Variants in NAT10 observed in about 807,000 individuals in gnomAD.
The protein encoded by NAT10 is RNA cytidine acetyltransferase.
A neutral mutation model predicts 132.2 loss-of-function variants in NAT10; 109 were observed. That is an observed-to-expected ratio of 0.82 (90% confidence interval 0.71 to 0.97). The LOEUF is 0.97. Among genes scored for constraint, NAT10 ranks in the 50% least tolerant of loss-of-function variants. NAT10 has a pLI of 0.00. For missense variants in NAT10, 1,184 were observed against 1,263.4 expected (o/e 0.94, Z 0.95); for synonymous variants, 479 against 478.0 (o/e 1.00, Z -0.03).
chr11:34,129,615 T>C (rs1852068039), intron 12 of NAT10, among the ~76,000 whole-genome samples: 1 of 135,434 alleles, frequency 7.4e-6, no homozygotes, highest in South Asian at 2.4e-4. Flanking sequence ...TTTTTTTTTT[T>C]TTTTTTTTTT....
rs376313210 is a variant in NAT10 at position 34,135,156 on chromosome 11, C to T, written c.1912-19C>T. 4 of 1,601,010 alleles carry T rather than the reference C, an allele frequency of 2.5e-6. No individual in the cohort carries two copies. Among genetic ancestry groups the T allele is most frequent in the African/African-American group, 2.7e-5 (2 of 74,666 alleles). On this transcript the variant is annotated intron_variant, in intron 18 of 28. Transcript: ENST00000257829. The stretch of plus-strand genomic sequence containing the variant: ...CAGCTCTCTTCCCTCGGCCTCTTCC[C>T]CTTCACGTTTGCTCCTAGATGGGCT...
chr11:34,118,086 T>A, intron 6 of NAT10, 94 bp from the exon 7 acceptor site: 1 of 1,016,468 alleles, frequency 9.8e-7, no homozygotes, highest in Non-Finnish European at 1.5e-6. Context: ...TTAGAGACAC[T>A]TGGGGCCAGT....
chr11:34,121,858 CAAAAA>C (rs34304264), intron 8 of NAT10, among the ~76,000 whole-genome samples: 3 of 36,830 alleles, frequency 8.1e-5, no homozygotes, highest in African/African-American at 1.1e-4. Flanking sequence ...GACTCTGTCT[CAAAAA>C]AAAAAAAAAA....
chr11:34,129,756 GTA>G (rs1565114310), intron 12 of NAT10, among the ~76,000 whole-genome samples: 2 of 151,612 alleles, frequency 1.3e-5, no homozygotes, highest in Non-Finnish European at 2.9e-5. Flanking sequence ...TTACAGGTGT[GTA>G]CCACCATGCC....
At chr11:34,121,262 G>T (rs1851887391) in intron 8 of NAT10, among the ~76,000 whole-genome samples, 1 of 152,196 alleles carries the variant, frequency 6.6e-6, no homozygotes, top group Admixed American at 6.5e-5. Flanking sequence ...CAGGAAGACT[G>T]ATCAGGAGGC....
At chr11:34,131,006 C>T (rs1262057923) in intron 13 of NAT10, 69 bp downstream of exon 13, 1 of 1,582,504 alleles carries the variant, frequency 6.3e-7, no homozygotes, top group Non-Finnish European at 8.6e-7. Flanking sequence ...ATCCTCGCTT[C>T]CCCTGTGACA....
At chr11:34,112,358 G>A in intron 4 of NAT10, 135 bp downstream of exon 4, 1 of 1,058,990 alleles carries the variant, frequency 9.4e-7, no homozygotes, top group South Asian at 1.6e-5. Flanking sequence ...CATTATTAGT[G>A]GAAGTCCTGG....
Position 34,141,996 on chromosome 11 carries a change from C to G in NAT10, c.2811+179C>G, listed in dbSNP as rs113915146. 34 of 635,306 alleles carry G rather than the reference C, an allele frequency of 5.4e-5. 1 individual carries two copies. Among genetic ancestry groups the G allele is most frequent in the Middle Eastern group, 4.2e-4 (1 of 2,396 alleles). 39.4% of individuals were successfully genotyped at this position (635,306 alleles called of 1,614,324 possible). On this transcript the variant is annotated intron_variant, in intron 26 of 28. Transcript: ENST00000257829. ...CAGCATTGTCTGAGCACACACAGGC[C>G]TAGAGTTGTGCCTCCCACTGATTGT...
chr11:34,121,494 C>T (rs990489279), intron 8 of NAT10, among the ~76,000 whole-genome samples: 6 of 151,886 alleles, frequency 4.0e-5, no homozygotes, highest in Admixed American at 2.6e-4. Flanking sequence ...CAACTTTAGG[C>T]GTTCAGTTTA....
At position 34,113,700 on chromosome 11, in the gene NAT10, C is replaced by T. The variant is rs185281502; in HGVS notation, c.373-16C>T. ...TATTTGCATGACCAGCCCTTTCTAA[C>T]GCCCCCTTCTTCCAGGATTTTGAAG... On this transcript the variant is annotated splice_polypyrimidine_tract_variant and intron_variant, in intron 4 of 28. Transcript: ENST00000257829. 5.3e-5 allele frequency: 84 copies of T among 1,596,030 alleles called. 1 individual carries two copies. Among genetic ancestry groups the T allele is most frequent in the South Asian group, 1.9e-4 (17 of 89,714 alleles).
chr11:34,133,290 C>T (rs1852139673), intron 16 of NAT10, 148 bp downstream of exon 16: 10 of 648,134 alleles, frequency 1.5e-5, no homozygotes, highest in South Asian at 1.1e-4. Flanking sequence ...AGACAGGTGA[C>T]TAGGGTGCAC....
At chr11:34,134,872 G>A (rs946536146) in intron 18 of NAT10, among the ~76,000 whole-genome samples, 2 of 152,198 alleles carry the variant, frequency 1.3e-5, no homozygotes, top group Non-Finnish European at 2.9e-5. Flanking sequence ...TTCCTTTTCA[G>A]GCAATGGTAC....
At position 34,134,381 on chromosome 11, in the gene NAT10, G is replaced by A. The variant is rs373522967; in HGVS notation, c.1797G>A (p.Lys599=). The A allele has an allele frequency of 1.2e-5, 19 of 1,614,084 alleles. No homozygotes were observed. In the African/African-American group the frequency reaches 2.5e-4, roughly 22 times the overall value. The stretch of plus-strand genomic sequence containing the variant: ...TGAACAGTCTGTCTCGAGGCAAGAA[G>A]GCTTCAGGGGACCTGATTCCATGGA... ...SILNSLSRGK[K]ASGDLIPWTV... The change falls in exon 17 of 29, where the codon AAG becomes AAA. Residue 599 remains lysine (K), a synonymous_variant. Coordinates refer to ENST00000257829, the MANE Select transcript of NAT10 (RefSeq NM_024662.3).
At chr11:34,146,056 A>G in intron 28 of NAT10, 28 bp from the exon 29 acceptor site, 1 of 1,475,532 alleles carries the variant, frequency 6.8e-7, no homozygotes, top group Non-Finnish European at 9.3e-7. Context: ...TACATATTTC[A>G]TTCTTTCTAT....
chr11:34,132,275 A>C, intron 15 of NAT10, 54 bp downstream of exon 15: 6 of 1,414,038 alleles, frequency 4.2e-6, no homozygotes, highest in South Asian at 3.4e-5. Context: ...AGCATTTGGC[A>C]GTCCCCTTTT....
chr11:34,130,427 A>G (rs1159375550), intron 12 of NAT10, among the ~76,000 whole-genome samples: 1 of 152,234 alleles, frequency 6.6e-6, no homozygotes, highest in Non-Finnish European at 1.5e-5. Flanking sequence ...GCTTCACTAA[A>G]ACTGCCTAAA....
chr11:34,146,182 G>T lies in NAT10; in HGVS notation c.3068G>T (p.Arg1023Leu), dbSNP rs1171658258. The part of the protein sequence containing the change: ...TKNKKDMKLK[R>L]KK ...AACAAAAAAGATATGAAACTGAAGC[G>T]GAAGAAATAGTGAAGAGAAACTCGG... is the stretch of plus-strand genomic sequence containing the variant. The change falls in exon 29 of 29, where the codon CGG (arginine) becomes CTG (leucine). Residue 1023 changes from arginine to leucine, a missense_variant. Coordinates refer to ENST00000257829, the MANE Select transcript of NAT10 (RefSeq NM_024662.3). 2 of 1,597,862 alleles carry T rather than the reference G, an allele frequency of 1.3e-6. No homozygotes were observed. Among genetic ancestry groups the T allele is most frequent in the African/African-American group, 2.7e-5 (2 of 74,312 alleles).
chr11:34,117,752 T>C (rs1851807761), intron 6 of NAT10, among the ~76,000 whole-genome samples: 1 of 152,206 alleles, frequency 6.6e-6, no homozygotes, highest in Non-Finnish European at 1.5e-5. Flanking sequence ...TTTTTTTCTT[T>C]TTCCTAGTGA....
rs1310840528 is a variant in NAT10 at position 34,140,493 on chromosome 11, T to TGG, written c.2513_2514insGG (p.Ile838MetfsTer5). ...CGGAATATGGTGGACTATCACCTCA[T>TGG]CATGGACATGATCCCGGCCATCTCT... On this transcript the variant is annotated frameshift_variant, in exon 24 of 29. Coordinates refer to ENST00000257829, the MANE Select transcript of NAT10 (RefSeq NM_024662.3). LOFTEE classifies it high-confidence loss of function. The TGG allele has an allele frequency of 6.2e-7, 1 of 1,614,180 alleles. No individual in the cohort carries two copies. Among genetic ancestry groups the TGG allele is most frequent in the East Asian group, 2.2e-5 (1 of 44,888 alleles).
Sources: gnomAD v4.1 joint callset for allele counts (sites outside exome capture counted in the v4.1 genomes callset) on GRCh38, gnomAD v4.1.1 for gene constraint, MANE v1.5 for transcripts, NCBI Gene and HGNC (gene_info 2026-07-23, HGNC 2026-07-21) for gene names.